The following PCDHGA6 variants were observed in gnomAD, a reference collection of about 807,000 sequenced individuals.
PCDHGA6 encodes protocadherin gamma-A6.
A neutral mutation model predicts 60.6 loss-of-function variants in PCDHGA6; 41 were observed. The observed-to-expected ratio is 0.68, with a 90% CI of 0.53 to 0.88. The LOEUF is 0.88. Ranked by LOEUF, PCDHGA6 falls within the 40% of genes least tolerant of loss-of-function variation. PCDHGA6 has a pLI of 0.00. For missense variants in PCDHGA6, 1,312 were observed against 1,203.0 expected (o/e 1.09, Z -1.34); for synonymous variants, 594 against 524.4 (o/e 1.13, Z -1.81).
Position 141,477,827 on chromosome 5 carries a change from C to T in PCDHGA6, c.2425-16980C>T, listed in dbSNP as rs2099419143. On this transcript the variant is annotated intron_variant, in intron 1 of 3. Coordinates refer to ENST00000517434, the MANE Select transcript of PCDHGA6 (RefSeq NM_018919.3). The surrounding 1 kb of genome is among the most constrained non-coding windows in gnomAD (Gnocchi z 4.9). ...CAATGCCCCCCAGGTCCTATATCCT[C>T]GGCCAGGTGGGAGCTCGGTGGAGAT... The T allele has an allele frequency of 1.2e-6, 2 of 1,614,038 alleles. No individual in the cohort carries two copies. Among genetic ancestry groups the T allele is most frequent in the African/African-American group, 1.3e-5 (1 of 74,928 alleles).
intron 1 of PCDHGA6, among the ~76,000 whole-genome samples, chr5:141,438,636 ACACACAC>A: frequency 3.9e-5 from 1 of 25,700 alleles, no homozygotes; most frequent in African/African-American, 1.5e-4. Flanking sequence ...ATATATATAT[ACACACAC>A]ACACACACAT....
At chr5:141,421,870 G>A in intron 1 of PCDHGA6, 1 of 1,613,758 alleles carries the variant, frequency 6.2e-7, no homozygotes, top group Non-Finnish European at 8.5e-7. Flanking sequence ...CCTCCTCACA[G>A]CTTTAGATGG....
intron 1 of PCDHGA6, chr5:141,404,445 G>GT: frequency 6.2e-7 from 1 of 1,613,280 alleles, no homozygotes; most frequent in Non-Finnish European, 8.5e-7. Context: ...ACCATCCAAG[G>GT]GTCTCCTCTC....
At chr5:141,389,250 A>G (rs1365678326) in intron 1 of PCDHGA6, 16 of 1,614,012 alleles carry the variant, frequency 9.9e-6, no homozygotes, top group Middle Eastern at 1.6e-4. Flanking sequence ...GTCTTCCTAT[A>G]TAGTCCACGT....
chr5:141,412,923 G>A, intron 1 of PCDHGA6: 1 of 420,946 alleles, frequency 2.4e-6, no homozygotes, highest in East Asian at 3.6e-5. Flanking sequence ...CTTGGGTGCA[G>A]TAACTTCTTA....
At chr5:141,463,438 CTTTTTTTTTTTTTT>C (rs71576115) in intron 1 of PCDHGA6, among the ~76,000 whole-genome samples, 7 of 103,256 alleles carry the variant, frequency 6.8e-5, no homozygotes, top group Non-Finnish European at 9.4e-5. Flanking sequence ...TTTCCTTCTC[CTTTTTTTTTTTTTT>C]TTTTTTTTTT....
chr5:141,408,817 G>T (rs2095174337), intron 1 of PCDHGA6: 2 of 1,613,438 alleles, frequency 1.2e-6, no homozygotes, highest in Admixed American at 1.7e-5. Context: ...GGGAAGAACA[G>T]AGATCTCATA....
intron 1 of PCDHGA6, chr5:141,405,437 T>C: frequency 7.0e-7 from 1 of 1,433,230 alleles, no homozygotes; most frequent in Non-Finnish European, 9.6e-7. Flanking sequence ...GTTTTGTTTT[T>C]GAGACAGAGT....
chr5:141,487,709 A>G lies in PCDHGA6; in HGVS notation c.2425-7098A>G. On this transcript the variant is annotated intron_variant, in intron 1 of 3. Coordinates refer to ENST00000517434, the MANE Select transcript of PCDHGA6 (RefSeq NM_018919.3). This position sits in a 1 kb window ranked among gnomAD's most constrained non-coding sequence, Gnocchi z 5.0. ...CCTAGAGAGTACTGGCCTCTCAGTA[A>G]GTGCCCATAGTGATGTCACCATTTT... is the stretch of plus-strand genomic sequence containing the variant. 6.3e-7 allele frequency: 1 copy of G among 1,586,184 alleles called. No individual in the cohort carries two copies. Among genetic ancestry groups the G allele is most frequent in the South Asian group, 1.1e-5 (1 of 87,958 alleles).
chr5:141,379,052 T>A (rs1247302234), intron 1 of PCDHGA6: 1 of 152,238 alleles, frequency 6.6e-6, no homozygotes. Flanking sequence ...TATTATAGAA[T>A]GGATTGGCCA....
intron 1 of PCDHGA6, chr5:141,417,205 C>G (rs1217296715): frequency 6.6e-6 from 1 of 151,986 alleles, no homozygotes; most frequent in Non-Finnish European, 1.5e-5. Context: ...TGAATATAGG[C>G]TAGAATTGAA....
intron 1 of PCDHGA6, chr5:141,433,047 C>G: frequency 1.9e-6 from 3 of 1,614,164 alleles, no homozygotes; most frequent in Non-Finnish European, 2.5e-6. Context: ...ACCACGGACT[C>G]GCGGAAGAGT....
chr5:141,477,275 G>C lies in PCDHGA6; in HGVS notation c.2425-17532G>C, dbSNP rs1241603826. On this transcript the variant is annotated intron_variant, in intron 1 of 3. Transcript: ENST00000517434. This position sits in a 1 kb window ranked among gnomAD's most constrained non-coding sequence, Gnocchi z 4.9. ...CCTGGATGCTGGCGAGAACGGGCTG[G>C]TGACCTGCGAAGTTCCACCGGGTCT... The C allele has an allele frequency of 2.5e-6, 4 of 1,614,198 alleles. No individual in the cohort carries two copies. The South Asian group carries it at 4.4e-5, about 18-fold the overall frequency.
chr5:141,468,981 A>G (rs1209945826), intron 1 of PCDHGA6, among the ~76,000 whole-genome samples: 4 of 151,852 alleles, frequency 2.6e-5, no homozygotes, highest in East Asian at 1.9e-4. Context: ...TTTGACTTCC[A>G]AAATTATTGT....
At chr5:141,509,507 T>G (rs2099877110) in intron 3 of PCDHGA6, among the ~76,000 whole-genome samples, 1 of 151,792 alleles carries the variant, frequency 6.6e-6, no homozygotes, top group African/African-American at 2.4e-5. Flanking sequence ...GATGTGACGG[T>G]GTTGATGATG....
Position 141,489,245 on chromosome 5 carries a change from G to A in PCDHGA6, c.2425-5562G>A, listed in dbSNP as rs773391205. 3 of 1,536,634 alleles carry A rather than the reference G, an allele frequency of 2.0e-6. No homozygotes were observed. The South Asian group carries it at 3.9e-5, about 20-fold the overall frequency. On this transcript the variant is annotated intron_variant, in intron 1 of 3. Transcript: ENST00000517434. The surrounding 1 kb of genome is among the most constrained non-coding windows in gnomAD (Gnocchi z 4.5). The stretch of plus-strand genomic sequence containing the variant: ...CCACAAAGGGACTTCTGGGTCATGG[G>A]GCCCAAGACACTCCCACAGCTCGCT...
In PCDHGA6 at chr5:141,382,905, G is replaced by C. The variant is rs773530372; in HGVS notation, c.2424+6398G>C. On this transcript the variant is annotated intron_variant, in intron 1 of 3. Transcript: ENST00000517434. Reference sequence around the variant, plus strand: ...GCAAGAGAAGCAGGACGACTATGGCGGCTCAGCCGAGGGGCGGGGACTACA... The same window carrying C: ...GCAAGAGAAGCAGGACGACTATGGCCGCTCAGCCGAGGGGCGGGGACTACA... 3.8e-5 allele frequency: 59 copies of C among 1,544,508 alleles called. No individual in the cohort carries two copies. The South Asian group carries it at 5.7e-4, about 15-fold the overall frequency.
At position 141,421,975 on chromosome 5, in the gene PCDHGA6, G is replaced by A. The variant is rs1287891140; in HGVS notation, c.2424+45468G>A. 3.1e-6 allele frequency: 5 copies of A among 1,610,050 alleles called. No individual in the cohort carries two copies. The South Asian group carries it at 3.3e-5, about 11-fold the overall frequency. On this transcript the variant is annotated intron_variant, in intron 1 of 3. Coordinates refer to ENST00000517434, the MANE Select transcript of PCDHGA6 (RefSeq NM_018919.3). ...AATGTTTACACAGTCCGTATATCGC[G>A]TGAGTGTTCCAGAAAACATCAGCTC...
intron 1 of PCDHGA6, chr5:141,398,701 C>G (rs757215015): frequency 6.2e-7 from 1 of 1,613,658 alleles, no homozygotes; most frequent in African/African-American, 1.3e-5. Flanking sequence ...TAGTAAATAC[C>G]CGGAACTGGC....
Sources: gnomAD v4.1 joint callset for allele counts (sites outside exome capture counted in the v4.1 genomes callset) on GRCh38, gnomAD v4.1.1 for gene constraint, Gnocchi (gnomAD v3.1) non-coding constraint, MANE v1.5 for transcripts, NCBI Gene and HGNC (gene_info 2026-07-23, HGNC 2026-07-21) for gene names.